Variants in ZNF770 observed in about 807,000 individuals in gnomAD.
ZNF770 encodes the protein zinc finger protein 770.
ZNF770 carries 13 observed loss-of-function variants against 44.8 expected under a neutral mutation model. The ratio of observed to expected loss-of-function variants is 0.29; its 90% confidence interval spans 0.19 to 0.46. ZNF770 has a LOEUF of 0.46. Ranked by LOEUF, ZNF770 falls within the 20% of genes least tolerant of loss-of-function variation. The pLI is 1.00. For missense variants in ZNF770, 681 were observed against 797.9 expected (o/e 0.85, Z 1.77); for synonymous variants, 304 against 271.8 (o/e 1.12, Z -1.17).
rs1363858673 is a variant in ZNF770, at chr15:34,978,755, C to T, written c.*2604G>A. On this transcript the variant is annotated 3_prime_UTR_variant, in exon 3 of 3. Coordinates refer to ENST00000356321, the MANE Select transcript of ZNF770 (RefSeq NM_014106.4). Reference sequence around the variant, plus strand: ...ATAAAGGTAAATAAGTACAGTTGTCCCTTGGTATCCATGGGGTATTGGTTC... The same window carrying T: ...ATAAAGGTAAATAAGTACAGTTGTCTCTTGGTATCCATGGGGTATTGGTTC... The T allele has an allele frequency of 6.6e-6, 1 of 152,052 alleles. No individual in the cohort carries two copies. The highest frequency in any genetic ancestry group is 6.6e-5 in the Admixed American group (1 of 15,254). 9.4% of individuals were successfully genotyped at this position (152,052 alleles called of 1,614,324 possible).
Position 34,982,501 on chromosome 15 carries a change from GTTCA to G in ZNF770, c.930_933del (p.Glu311ThrfsTer40). Reference sequence around the variant, plus strand: ...CCACTTCTAGCAGCAAAACAGCTGTGTTCATTGAGAATCTGCTCTGATTCAAAAC... The same window carrying G: ...CCACTTCTAGCAGCAAAACAGCTGTGTTGAGAATCTGCTCTGATTCAAAAC... On this transcript the variant is annotated frameshift_variant, in exon 3 of 3. Coordinates refer to ENST00000356321, the MANE Select transcript of ZNF770 (RefSeq NM_014106.4). LOFTEE classifies it high-confidence loss of function. The G allele has an allele frequency of 6.2e-7, 1 of 1,613,968 alleles. No individual in the cohort carries two copies. The highest frequency in any genetic ancestry group is 8.5e-7 in the Non-Finnish European group (1 of 1,179,978).
chr15:34,986,961 T>C (rs762795698), intron 2 of ZNF770, among the ~76,000 whole-genome samples: 1 of 152,224 alleles, frequency 6.6e-6, no homozygotes, highest in African/African-American at 2.4e-5. Context: ...GAGTATGGTG[T>C]GGGAGGACAG....
Position 34,983,066 on chromosome 15 carries a change from T to C in ZNF770, c.369A>G (p.Glu123=). 6.2e-7 allele frequency: 1 copy of C among 1,614,118 alleles called. No homozygotes were observed. The highest frequency in any genetic ancestry group is 1.1e-5 in the South Asian group (1 of 91,076). Reference sequence around the variant, plus strand: ...TATTATACACTCCATACATTGACTTTTCTTGCTTGGCCTCCAGCAATCTTC... The same window carrying C: ...TATTATACACTCCATACATTGACTTCTCTTGCTTGGCCTCCAGCAATCTTC... The part of the protein sequence containing the change: ...QVRRLLEAKQ[E]KSMYGVYNTF... Residue 123 remains glutamate (E), a synonymous_variant, in exon 3 of 3, where the codon GAA becomes GAG. Transcript: ENST00000356321.
Position 34,981,753 on chromosome 15 carries a change from C to T in ZNF770, c.1682G>A (p.Cys561Tyr). 1 of 1,614,098 alleles carries T rather than the reference C, an allele frequency of 6.2e-7. No homozygotes were observed. Among genetic ancestry groups the T allele is most frequent in the East Asian group, 2.2e-5 (1 of 44,886 alleles). ...GTATTTTTGAACACCAGGAGCCTGA[C>T]ATTGTTGGGAAGCATTATAGTTAAC... ...NNVNYNASQQCQAPGVQKYEV... is the reference protein window; with the variant it reads ...NNVNYNASQQYQAPGVQKYEV... The change falls in exon 3 of 3, where the codon TGT (cysteine) becomes TAT (tyrosine). Residue 561 changes from cysteine to tyrosine, a missense_variant. Coordinates refer to ENST00000356321, the MANE Select transcript of ZNF770 (RefSeq NM_014106.4).
Position 34,982,636 on chromosome 15 carries a change from G to A in ZNF770, c.799C>T (p.Gln267Ter). Residue 267 changes from glutamine (Q) to a stop codon, truncating the protein, a stop_gained, in exon 3 of 3, where the codon CAG (glutamine) becomes TAG (stop). Transcript: ENST00000356321. LOFTEE classifies it high-confidence loss of function. Reference protein sequence around the residue: ...RPLPNKLNANQGGFENGEIGE... With the variant: ...RPLPNKLNAN ...ATCTCACCATTTTCAAAACCACCCT[G>A]ATTTGCATTTAACTTATTAGGCAGG... 1 of 1,612,906 alleles carries A rather than the reference G, an allele frequency of 6.2e-7. No individual in the cohort carries two copies. Among genetic ancestry groups the A allele is most frequent in the Non-Finnish European group, 8.5e-7 (1 of 1,179,960 alleles).
chr15:34,983,115 T>C lies in ZNF770; in HGVS notation c.320A>G (p.Tyr107Cys), dbSNP rs1217264592. 1.9e-6 allele frequency: 3 copies of C among 1,613,984 alleles called. No individual in the cohort carries two copies. Among genetic ancestry groups the C allele is most frequent in the South Asian group, 1.1e-5 (1 of 91,086 alleles). ...TCTGACCTGTTTAACATTATTCTGA[T>C]AGGTTTCATTGTGAAGTTGTTGGTG... ...VKHQQLHNET[Y>C]QNNVKQVRRL... is the part of the protein sequence containing the mutation. Residue 107 changes from tyrosine (Y) to cysteine (C), a missense_variant, in exon 3 of 3, where the codon TAT becomes TGT. By Grantham distance (194) the Tyr-to-Cys change is radical. Transcript: ENST00000356321.
Position 34,980,317 on chromosome 15 carries a change from C to T in ZNF770, c.*1042G>A, listed in dbSNP as rs2050392808. ...AAACTCATACGTATTATGAAAAAGACTATGGCACTTAGAAAATATTCCTGG... is the reference window on the plus strand; with the variant it reads ...AAACTCATACGTATTATGAAAAAGATTATGGCACTTAGAAAATATTCCTGG... On this transcript the variant is annotated 3_prime_UTR_variant, in exon 3 of 3. Coordinates refer to ENST00000356321, the MANE Select transcript of ZNF770 (RefSeq NM_014106.4). The T allele has an allele frequency of 6.6e-6, 1 of 152,082 alleles. No individual in the cohort carries two copies. Among genetic ancestry groups the T allele is most frequent in the African/African-American group, 2.4e-5 (1 of 41,398 alleles). 9.4% of individuals were successfully genotyped at this position (152,082 alleles called of 1,614,324 possible). A position where few individuals can be genotyped will look rare whatever the true frequency, so the allele number is the denominator to read the frequency against.
Position 34,983,488 on chromosome 15 carries a change from T to C in ZNF770, c.-54A>G. The C allele has an allele frequency of 7.6e-7, 1 of 1,315,582 alleles. No individual in the cohort carries two copies. Among genetic ancestry groups the C allele is most frequent in the Non-Finnish European group, 9.9e-7 (1 of 1,011,372 alleles). 81.5% of individuals were successfully genotyped at this position (1,315,582 alleles called of 1,614,324 possible). A position where few individuals can be genotyped will look rare whatever the true frequency, so the allele number is the denominator to read the frequency against. ...CCATACTGTTCTTAAATTCCACAGA[T>C]GTCTAAAAATTAAAGGAAAAAAAGT... On this transcript the variant is annotated splice_region_variant and 5_prime_UTR_variant, in exon 3 of 3. Transcript: ENST00000356321.
Position 34,982,153 on chromosome 15 carries a change from T to A in ZNF770, c.1282A>T (p.Ile428Leu), listed in dbSNP as rs1474464371. 1 of 1,613,888 alleles carries A rather than the reference T, an allele frequency of 6.2e-7. No homozygotes were observed. The highest frequency in any genetic ancestry group is 8.5e-7 in the Non-Finnish European group (1 of 1,179,964). ...NLKGILTTEN[I>L]LSIDNSVNKK... Reference sequence around the variant, plus strand: ...TTCACTGAATTATCAATGCTTAATATGTTTTCTGTCGTAAGGATGCCTTTC... The same window carrying A: ...TTCACTGAATTATCAATGCTTAATAAGTTTTCTGTCGTAAGGATGCCTTTC... Residue 428 changes from isoleucine to leucine, a missense_variant, in exon 3 of 3, where the codon ATA becomes TTA. By Grantham distance (5) the Ile-to-Leu change is conservative. Coordinates refer to ENST00000356321, the MANE Select transcript of ZNF770 (RefSeq NM_014106.4).
In ZNF770 at chr15:34,983,504, G is replaced by GA; in HGVS notation, c.-56-15dup. ...TTCCACAGATGTCTAAAAATTAAAG[G>GA]AAAAAAAGTATTAATTTTAAAATTA... On this transcript the variant is annotated splice_polypyrimidine_tract_variant and intron_variant, in intron 2 of 2. Transcript: ENST00000356321. The GA allele has an allele frequency of 4.8e-6, 6 of 1,237,952 alleles. No individual in the cohort carries two copies. Among genetic ancestry groups the GA allele is most frequent in the Non-Finnish European group, 6.3e-6 (6 of 948,428 alleles). The allele number at this position is 1,237,952 out of a possible 1,614,324, so 76.7% of individuals were successfully genotyped here.
rs753217874 is a variant in ZNF770, at chr15:34,982,781, A to G, written c.654T>C (p.Cys218=). The stretch of plus-strand genomic sequence containing the variant: ...TCTTAAATCCTTTTTGACAAAAACA[A>G]CATTGAAAAGGTCTTTCTTCTGAAT... ...LTHSEERPFQ[C]CFCQKGFKIQ... is the part of the protein sequence containing the mutation. Residue 218 remains cysteine (C), a synonymous_variant, in exon 3 of 3, where the codon TGT becomes TGC. Transcript: ENST00000356321. 2.5e-6 allele frequency: 4 copies of G among 1,613,958 alleles called. No homozygotes were observed. The highest frequency in any genetic ancestry group is 2.5e-6 in the Non-Finnish European group (3 of 1,179,978).
rs1251879868 is a variant in ZNF770 at position 34,986,683 on chromosome 15, A to G, written c.-57+874T>C. On this transcript the variant is annotated intron_variant, in intron 2 of 2. Coordinates refer to ENST00000356321, the MANE Select transcript of ZNF770 (RefSeq NM_014106.4). ...CAGTTGATGCAGTGCATATGAGGTA[A>G]TCCTCTCACTGAAAGGAGCCCCTAA... is the stretch of plus-strand genomic sequence containing the variant. Among the ~76,000 whole-genome samples, 3 of 152,222 alleles carry G rather than the reference A, an allele frequency of 2.0e-5. No individual in the cohort carries two copies. The East Asian group carries it at 5.8e-4, about 29-fold the overall frequency.
At position 34,980,476 on chromosome 15, in the gene ZNF770, A is replaced by T. The variant is rs1334712928; in HGVS notation, c.*883T>A. The T allele has an allele frequency of 6.6e-6, 1 of 152,172 alleles. No individual in the cohort carries two copies. Among genetic ancestry groups the T allele is most frequent in the East Asian group, 1.9e-4 (1 of 5,186 alleles). 9.4% of individuals were successfully genotyped at this position (152,172 alleles called of 1,614,324 possible). A position where few individuals can be genotyped will look rare whatever the true frequency, so the allele number is the denominator to read the frequency against. On this transcript the variant is annotated 3_prime_UTR_variant, in exon 3 of 3. Transcript: ENST00000356321. ...GGTGAAATTACCACATAGTCCTAAA[A>T]ATAAATAGCTTTGAAAAGACCGTCG...
In ZNF770 at chr15:34,988,096, G is replaced by A. The variant is rs1261023065; in HGVS notation, c.-174+20C>T. 2 of 152,292 alleles carry A rather than the reference G, an allele frequency of 1.3e-5. No homozygotes were observed. The highest frequency in any genetic ancestry group is 2.9e-5 in the Non-Finnish European group (2 of 68,080). The allele number at this position is 152,292 out of a possible 1,614,324, so 9.4% of individuals were successfully genotyped here. ...CAGGAACTGAGGTTGTGGAGCCCCC[G>A]TTCTTGGGTCCCCAGGCACCTTGGC... is the stretch of plus-strand genomic sequence containing the variant. On this transcript the variant is annotated intron_variant, in intron 1 of 2. Transcript: ENST00000356321.
rs574462166 is a variant in ZNF770 at position 34,986,492 on chromosome 15, G to A, written c.-57+1065C>T. ...AATTAAGTCATGAATCCAGTGAACT[G>A]CAAAGAACTTGGCAGCAATTAGGTG... On this transcript the variant is annotated intron_variant, in intron 2 of 2. Coordinates refer to ENST00000356321, the MANE Select transcript of ZNF770 (RefSeq NM_014106.4). 5.9e-5 allele frequency among the ~76,000 whole-genome samples: 9 copies of A among 152,354 alleles called. No homozygotes were observed. The South Asian group carries it at 1.9e-3, about 32-fold the overall frequency.
At position 34,982,520 on chromosome 15, in the gene ZNF770, T is replaced by C; in HGVS notation, c.915A>G (p.Ser305=). ...QCPKCEKCFE[S]EQILNEHSCF... ...AGCTGTGTTCATTGAGAATCTGCTC[T>C]GATTCAAAACACTTTTCACACTTTG... Residue 305 remains serine, a synonymous_variant, in exon 3 of 3, where the codon TCA becomes TCG. Coordinates refer to ENST00000356321, the MANE Select transcript of ZNF770 (RefSeq NM_014106.4). 3 of 1,614,060 alleles carry C rather than the reference T, an allele frequency of 1.9e-6. No homozygotes were observed. The highest frequency in any genetic ancestry group is 2.5e-6 in the Non-Finnish European group (3 of 1,179,992).
chr15:34,986,226 A>T (rs2050433640), intron 2 of ZNF770, among the ~76,000 whole-genome samples: 1 of 152,196 alleles, frequency 6.6e-6, no homozygotes, highest in South Asian at 2.1e-4. Flanking sequence ...TTTAAATAAA[A>T]ATCATCTAAT....
At position 34,981,650 on chromosome 15, in the gene ZNF770, G is replaced by A. The variant is rs765584279; in HGVS notation, c.1785C>T (p.Pro595=). Residue 595 remains proline (P), a synonymous_variant, in exon 3 of 3, where the codon CCC becomes CCT. Transcript: ENST00000356321. ...QDFIPGSTGQ[P]CLPNVLLESE... The stretch of plus-strand genomic sequence containing the variant: ...ATTCCAAAAGTACATTAGGAAGACA[G>A]GGTTGCCCGGTGCTACCAGGAATAA... 8.1e-6 allele frequency: 13 copies of A among 1,614,022 alleles called. No homozygotes were observed. Among genetic ancestry groups the A allele is most frequent in the South Asian group, 2.2e-5 (2 of 91,082 alleles).
Position 34,982,346 on chromosome 15 carries a change from C to A in ZNF770, c.1089G>T (p.Lys363Asn), listed in dbSNP as rs1025850011. The A allele has an allele frequency of 6.2e-7, 1 of 1,608,014 alleles. No homozygotes were observed. The highest frequency in any genetic ancestry group is 1.7e-5 in the Admixed American group (1 of 58,580). Reference sequence around the variant, plus strand: ...TAAGATCACAATTTCTCAAGAAACTCTTTTTAAATACTTTTTTCTCAGATT... The same window carrying A: ...TAAGATCACAATTTCTCAAGAAACTATTTTTAAATACTTTTTTCTCAGATT... ...NFQSEKKVFK[K>N]SFLRNCDLIS... is the part of the protein sequence containing the mutation. Residue 363 changes from lysine to asparagine, a missense_variant, in exon 3 of 3, where the codon AAG becomes AAT. Coordinates refer to ENST00000356321, the MANE Select transcript of ZNF770 (RefSeq NM_014106.4).
Sources: allele counts gnomAD v4.1 joint callset (sites outside exome capture counted in the v4.1 genomes callset), GRCh38; gene constraint gnomAD v4.1.1; transcripts MANE v1.5; gene names NCBI Gene and HGNC (gene_info 2026-07-23, HGNC 2026-07-21).